OSER1: variants seen among roughly 807,000 people sequenced by gnomAD.
The protein encoded by OSER1 is oxidative stress-responsive serine-rich protein 1.
A neutral mutation model predicts 26.3 loss-of-function variants in OSER1; 15 were observed. That is an observed-to-expected ratio of 0.57 (90% CI 0.38 to 0.88). OSER1 has a LOEUF of 0.88. Ranked by LOEUF, OSER1 falls within the 40% of genes least tolerant of loss-of-function variation. The pLI, the probability that OSER1 is intolerant of heterozygous loss-of-function variation, is 0.00. For missense variants in OSER1, 313 were observed against 353.9 expected, an observed-to-expected ratio of 0.88 and a Z score of 0.93; for synonymous variants, 127 against 128.2, an observed-to-expected ratio of 0.99 and a Z score of 0.07.
chr20:44,201,150 A>G (rs1241111836), intron 3 of OSER1, among the ~76,000 whole-genome samples: 1 of 152,240 alleles, frequency 6.6e-6, no homozygotes, highest in Non-Finnish European at 1.5e-5. Context: ...TCTAAGCACT[A>G]TGCTGAGTCT....
intron 2 of OSER1, among the ~76,000 whole-genome samples, chr20:44,205,914 T>G (rs941419246): frequency 8.6e-5 from 10 of 116,864 alleles, no homozygotes; most frequent in Non-Finnish European, 1.6e-4. Flanking sequence ...CACTCCAGCC[T>G]GGGCGACAGG....
rs909880663 is a variant in OSER1 at position 44,199,980 on chromosome 20, G to A, written c.192-2241C>T. On this transcript the variant is annotated intron_variant, in intron 3 of 3. Coordinates refer to ENST00000255174, the MANE Select transcript of OSER1 (RefSeq NM_016470.8). ...AATTACAGCCTGTGGGTCAGATCTGGCTCCCTGCCTGTTTTTGTACAGCTT... is the reference window on the plus strand; with the variant it reads ...AATTACAGCCTGTGGGTCAGATCTGACTCCCTGCCTGTTTTTGTACAGCTT... Among the ~76,000 whole-genome samples the A allele has an allele frequency of 2.0e-5, 3 of 152,190 alleles. No homozygotes were observed. The East Asian group carries it at 5.8e-4, about 29-fold the overall frequency.
intron 3 of OSER1, among the ~76,000 whole-genome samples, chr20:44,200,348 A>G (rs774938755): frequency 8.5e-5 from 13 of 152,190 alleles, no homozygotes; most frequent in Non-Finnish European, 1.6e-4. Flanking sequence ...TAGTCACTCT[A>G]TCCTGCGACT....
Position 44,196,457 on chromosome 20 carries a change from G to A in OSER1, c.*595C>T, listed in dbSNP as rs182673319. 6.6e-6 allele frequency: 1 copy of A among 152,522 alleles called. No homozygotes were observed. Among genetic ancestry groups the A allele is most frequent in the East Asian group, 1.9e-4 (1 of 5,194 alleles). The allele number at this position is 152,522 out of a possible 1,614,324, so 9.4% of individuals were successfully genotyped here. A position where few individuals can be genotyped will look rare whatever the true frequency, so the allele number is the denominator to read the frequency against. On this transcript the variant is annotated 3_prime_UTR_variant, in exon 4 of 4. Coordinates refer to ENST00000255174, the MANE Select transcript of OSER1 (RefSeq NM_016470.8). Reference sequence around the variant, plus strand: ...TGTCTTAGGATGAATAGCACCAGCAGGGGCTTATTTAGTGATGGTTAATAA... The same window carrying A: ...TGTCTTAGGATGAATAGCACCAGCAAGGGCTTATTTAGTGATGGTTAATAA...
At chr20:44,201,325 TG>T (rs2072979791) in intron 3 of OSER1, among the ~76,000 whole-genome samples, 1 of 152,102 alleles carries the variant, frequency 6.6e-6, no homozygotes, top group African/African-American at 2.4e-5. Context: ...GGCGTGTGAG[TG>T]GGGAGGACCT....
intron 1 of OSER1, chr20:44,210,039 A>G (rs1388097300): frequency 6.6e-6 from 1 of 152,312 alleles, no homozygotes; most frequent in Non-Finnish European, 1.5e-5. Flanking sequence ...TCATCCCTTT[A>G]TACTCGCAGC....
At chr20:44,208,587 TTAGGG>T (rs1475512787) in intron 1 of OSER1, among the ~76,000 whole-genome samples, 2 of 152,172 alleles carry the variant, frequency 1.3e-5, no homozygotes, top group East Asian at 3.8e-4. Flanking sequence ...AATTCTCAGT[TTAGGG>T]TAGGATCCCC....
At chr20:44,205,976 T>C (rs2073034344) in intron 2 of OSER1, among the ~76,000 whole-genome samples, 1 of 149,390 alleles carries the variant, frequency 6.7e-6, no homozygotes, top group Non-Finnish European at 1.5e-5. Flanking sequence ...GCAGAGGTTC[T>C]GGAGACAGGC....
rs953108044 is a variant in OSER1 at position 44,196,185 on chromosome 20, G to T, written c.*867C>A. Among the ~76,000 whole-genome samples, 1 of 150,264 alleles carries T rather than the reference G, an allele frequency of 6.7e-6. No individual in the cohort carries two copies. Among genetic ancestry groups the T allele is most frequent in the African/African-American group, 2.4e-5 (1 of 40,956 alleles). On this transcript the variant is annotated 3_prime_UTR_variant, in exon 4 of 4. Transcript: ENST00000255174. Reference sequence around the variant, plus strand: ...TGGCTGACCAAATCTGTGGGATACAGAATGTACAAAATTCTCTTTTAGGGT... The same window carrying T: ...TGGCTGACCAAATCTGTGGGATACATAATGTACAAAATTCTCTTTTAGGGT...
chr20:44,202,259 C>A (rs1413839747), intron 3 of OSER1, among the ~76,000 whole-genome samples: 1 of 152,078 alleles, frequency 6.6e-6, no homozygotes. Context: ...ACCTGCGTAA[C>A]CCCAGGTACC....
chr20:44,207,149 G>C, intron 1 of OSER1, 151 bp from the exon 2 acceptor site: 1 of 494,916 alleles, frequency 2.0e-6, no homozygotes, highest in Non-Finnish European at 3.6e-6. Flanking sequence ...ATTTCTTAAA[G>C]GGAAACAAAT....
rs2072929752 is a variant in OSER1 at position 44,197,349 on chromosome 20, G to A, written c.582C>T (p.Gly194=). Residue 194 remains glycine, a synonymous_variant, in exon 4 of 4, where the codon GGC becomes GGT. Coordinates refer to ENST00000255174, the MANE Select transcript of OSER1 (RefSeq NM_016470.8). ...CCTTGCCTATGCATGTGCATGGCTTGCCCTGGTTTAGCTTGGAAACTGATT... is the reference window on the plus strand; with the variant it reads ...CCTTGCCTATGCATGTGCATGGCTTACCCTGGTTTAGCTTGGAAACTGATT... The part of the protein sequence containing the change: ...DFQSVSKLNQ[G]KPCTCIGKEC... The A allele has an allele frequency of 1.2e-6, 2 of 1,614,226 alleles. No homozygotes were observed. Among genetic ancestry groups the A allele is most frequent in the Admixed American group, 1.7e-5 (1 of 60,032 alleles).
intron 1 of OSER1, among the ~76,000 whole-genome samples, chr20:44,208,638 G>C (rs2073064327): frequency 6.6e-6 from 1 of 152,178 alleles, no homozygotes; most frequent in Non-Finnish European, 1.5e-5. Flanking sequence ...CCTGGGGGGA[G>C]AGGTGAGCAA....
At chr20:44,197,796 G>C in intron 3 of OSER1, 57 bp from the exon 4 acceptor site, 4 of 1,161,426 alleles carry the variant, frequency 3.4e-6, no homozygotes, top group Non-Finnish European at 5.0e-6. Flanking sequence ...GTCCTAAACA[G>C]ATTCTTTATG....
intron 1 of OSER1, among the ~76,000 whole-genome samples, 153 bp downstream of exon 1, chr20:44,210,543 C>G (rs2073093600): frequency 2.0e-5 from 3 of 152,098 alleles, no homozygotes; most frequent in Admixed American, 6.5e-5. Context: ...GATAAGGGGG[C>G]GCGGAGAGGC....
At position 44,203,169 on chromosome 20, in the gene OSER1, T is replaced by C. The variant is rs192662483; in HGVS notation, c.78-95A>G. The stretch of plus-strand genomic sequence containing the variant: ...CTCAAATACAACTTTTATCAATACA[T>C]TTTTTTTTCTAGTTTGGGTTTCTCA... On this transcript the variant is annotated intron_variant, in intron 2 of 3. Transcript: ENST00000255174. 748 of 553,676 alleles carry C rather than the reference T, an allele frequency of 1.4e-3. 3 individuals carry two copies. The highest frequency in any genetic ancestry group is 1.3e-3 in the Non-Finnish European group (397 of 315,786). The allele number at this position is 553,676 out of a possible 1,614,324, so 34.3% of individuals were successfully genotyped here.
chr20:44,207,723 A>G (rs552668725), intron 1 of OSER1: 265 of 152,364 alleles, frequency 1.7e-3, no homozygotes, highest in African/African-American at 6.2e-3. Context: ...TCTTTAGCCT[A>G]AAGAAAGGTT....
chr20:44,207,646 AC>A (rs1353786139), intron 1 of OSER1: 1 of 152,256 alleles, frequency 6.6e-6, no homozygotes, highest in African/African-American at 2.4e-5. Flanking sequence ...TGAACTATAC[AC>A]TTGCAACCCC....
intron 2 of OSER1, among the ~76,000 whole-genome samples, chr20:44,204,878 C>T (rs560860158): frequency 4.6e-4 from 70 of 151,494 alleles, no homozygotes; most frequent in African/African-American, 1.6e-3. Context: ...CGCTCTGTTG[C>T]GCAGGCCGGA....
Sources: gnomAD v4.1 joint callset for allele counts (sites outside exome capture counted in the v4.1 genomes callset) on GRCh38, gnomAD v4.1.1 for gene constraint, MANE v1.5 for transcripts, NCBI Gene and HGNC (gene_info 2026-07-23, HGNC 2026-07-21) for gene names.